The following MAML2 variants were observed in gnomAD, a reference collection of about 807,000 sequenced individuals.
The protein encoded by MAML2 is mastermind-like protein 2.
A neutral mutation model predicts 96.1 loss-of-function variants in MAML2; 22 were observed. The ratio of observed to expected loss-of-function variants is 0.23; its 90% CI spans 0.16 to 0.33. The LOEUF (loss-of-function observed/expected upper bound fraction) is 0.33. MAML2 is among the 10% of genes least tolerant of loss of function. MAML2 has a pLI of 1.00. For synonymous variants in MAML2, 561 were observed against 521.3 expected (o/e 1.08, Z -1.04); for missense variants, 1,367 against 1,392.4 (o/e 0.98, Z 0.29).
chr11:96,126,394 C>G (rs143383437), intron 1 of MAML2, among the ~76,000 whole-genome samples: 1 of 152,058 alleles, frequency 6.6e-6, no homozygotes, highest in Non-Finnish European at 1.5e-5. Flanking sequence ...CCTGTCTCTA[C>G]TGAAAATACA....
At chr11:96,181,304 T>C (rs1939481) in intron 1 of MAML2, among the ~76,000 whole-genome samples, 30,897 of 152,028 alleles carry the variant, frequency 0.2, 3,598 homozygotes, top group African/African-American at 0.32. Flanking sequence ...TAAATACTGG[T>C]GACCCTATAA....
Position 96,187,219 on chromosome 11 carries a change from C to T in MAML2, c.514-93702G>A, listed in dbSNP as rs945697434. The stretch of plus-strand genomic sequence containing the variant: ...TAAGTGTGATAGCTAAATGAGATAA[C>T]ATATAAAATGTGGCACATAGCAGAT... On this transcript the variant is annotated intron_variant, in intron 1 of 4. Transcript: ENST00000524717. Among the ~76,000 whole-genome samples the T allele has an allele frequency of 1.8e-4, 28 of 152,274 alleles. 1 individual carries two copies. The highest frequency in any genetic ancestry group is 6.7e-4 in the African/African-American group (28 of 41,558).
chr11:96,164,067 G>A (rs966208966), intron 1 of MAML2, among the ~76,000 whole-genome samples: 4 of 151,584 alleles, frequency 2.6e-5, no homozygotes, highest in African/African-American at 9.7e-5. Context: ...TAAAGATGGG[G>A]ATTTCACCAT....
chr11:96,185,380 C>G (rs1194824437), intron 1 of MAML2, among the ~76,000 whole-genome samples: 4 of 152,136 alleles, frequency 2.6e-5, no homozygotes, highest in African/African-American at 9.7e-5. Flanking sequence ...CTCTTTATAG[C>G]CTGTTTCCAA....
chr11:95,996,726 C>T (rs868774456), intron 2 of MAML2, among the ~76,000 whole-genome samples: 1 of 152,266 alleles, frequency 6.6e-6, no homozygotes, highest in African/African-American at 2.4e-5. Context: ...TACAAGCTTG[C>T]TGTCATTGCC....
intron 2 of MAML2, among the ~76,000 whole-genome samples, chr11:96,082,296 C>G (rs1859539448): frequency 6.6e-6 from 1 of 152,098 alleles, no homozygotes; most frequent in Non-Finnish European, 1.5e-5. Flanking sequence ...TTCGGTGGAC[C>G]AGAGACCTAA....
At chr11:96,199,057 G>T (rs1210334019) in intron 1 of MAML2, among the ~76,000 whole-genome samples, 1 of 151,908 alleles carries the variant, frequency 6.6e-6, no homozygotes, top group African/African-American at 2.4e-5. Context: ...AATTAGCCGG[G>T]CATGCTGGCG....
chr11:96,196,293 C>A (rs1861730184), intron 1 of MAML2, among the ~76,000 whole-genome samples: 1 of 147,690 alleles, frequency 6.8e-6, no homozygotes, highest in Non-Finnish European at 1.5e-5. Context: ...CGGTGATTTT[C>A]ATTTTAGGAA....
Position 96,092,286 on chromosome 11 carries a change from G to C in MAML2, c.1745C>G (p.Ser582Cys). The part of the protein sequence containing the change: ...PSVLPSQNKP[S>C]LLHYTQQQQQ... ...TTGCTGTTGGGTGTAGTGTAGGAGA[G>C]AAGGCTTGTTCTGGGAAGGCAAAAC... The change falls in exon 2 of 5, where the codon TCT becomes TGT. Residue 582 changes from serine to cysteine, a missense_variant. Coordinates refer to ENST00000524717, the MANE Select transcript of MAML2 (RefSeq NM_032427.4). The surrounding 1 kb of genome is among the most constrained non-coding windows in gnomAD (Gnocchi z 4.1). The C allele has an allele frequency of 7.7e-6, 12 of 1,563,342 alleles. No homozygotes were observed. Among genetic ancestry groups the C allele is most frequent in the Non-Finnish European group, 9.5e-6 (11 of 1,153,678 alleles).
At chr11:96,311,712 T>C (rs1311416126) in intron 1 of MAML2, among the ~76,000 whole-genome samples, 1 of 152,192 alleles carries the variant, frequency 6.6e-6, no homozygotes, top group Non-Finnish European at 1.5e-5. Flanking sequence ...TTTGTTATAA[T>C]AGGGAGAATA....
At chr11:96,010,258 T>C (rs941485105) in intron 2 of MAML2, among the ~76,000 whole-genome samples, 3 of 152,212 alleles carry the variant, frequency 2.0e-5, no homozygotes, top group African/African-American at 7.2e-5. Flanking sequence ...TGTTTACAAG[T>C]TATACACTGT....
intron 1 of MAML2, among the ~76,000 whole-genome samples, chr11:96,167,185 G>A (rs1352050542): frequency 2.6e-5 from 4 of 152,140 alleles, no homozygotes; most frequent in Non-Finnish European, 5.9e-5. Context: ...ATTTGTGTTA[G>A]AAAATAAAGT....
At chr11:96,118,941 T>G (rs1860290790) in intron 1 of MAML2, among the ~76,000 whole-genome samples, 1 of 152,156 alleles carries the variant, frequency 6.6e-6, no homozygotes, top group Non-Finnish European at 1.5e-5. Context: ...TTTCATTCCA[T>G]GATGCTTCTT....
intron 1 of MAML2, among the ~76,000 whole-genome samples, chr11:96,216,150 A>G (rs1050037606): frequency 1.3e-5 from 2 of 152,232 alleles, no homozygotes; most frequent in African/African-American, 4.8e-5. Context: ...TCTTTTAGGC[A>G]TGCTTAAACC....
intron 1 of MAML2, among the ~76,000 whole-genome samples, chr11:96,300,404 C>T (rs191691757): frequency 1.7e-3 from 256 of 152,216 alleles, no homozygotes; most frequent in Non-Finnish European, 3.2e-3. Flanking sequence ...TAAAACTGAT[C>T]GGTGCCCATT....
intron 2 of MAML2, among the ~76,000 whole-genome samples, chr11:96,057,737 A>C (rs1388406439): frequency 6.6e-6 from 1 of 152,226 alleles, no homozygotes; most frequent in Middle Eastern, 3.2e-3. Context: ...GACCACTGAA[A>C]CCAAAACTTC....
intron 1 of MAML2, among the ~76,000 whole-genome samples, chr11:96,262,239 G>A (rs1862759763): frequency 2.0e-5 from 3 of 152,180 alleles, no homozygotes; most frequent in Admixed American, 2.0e-4. Flanking sequence ...TGAAGACAGA[G>A]TTCAGTCACA....
intron 1 of MAML2, among the ~76,000 whole-genome samples, chr11:96,168,727 G>A (rs571260877): frequency 4.8e-4 from 73 of 152,228 alleles, no homozygotes; most frequent in African/African-American, 1.7e-3. Context: ...TGTTCAAGAT[G>A]GCATAGTGCC....
chr11:96,201,387 T>C (rs1475948882), intron 1 of MAML2, among the ~76,000 whole-genome samples: 1 of 152,214 alleles, frequency 6.6e-6, no homozygotes, highest in Non-Finnish European at 1.5e-5. Context: ...AATTCCATCA[T>C]AGGCTCTGGG....
Sources: allele counts gnomAD v4.1 joint callset (sites outside exome capture counted in the v4.1 genomes callset), GRCh38; gene constraint gnomAD v4.1.1; non-coding constraint Gnocchi (gnomAD v3.1); transcripts MANE v1.5; gene names NCBI Gene and HGNC (gene_info 2026-07-23, HGNC 2026-07-21).